MEF2D: variants seen among roughly 807,000 people sequenced by gnomAD.
MEF2D encodes myocyte-specific enhancer factor 2D.
A neutral mutation model predicts 59.3 loss-of-function variants in MEF2D; 10 were observed. The ratio of observed to expected loss-of-function variants is 0.17; its 90% CI spans 0.10 to 0.29. MEF2D has a LOEUF of 0.29. Among genes scored for constraint, MEF2D ranks in the 10% least tolerant of loss-of-function variants. MEF2D has a pLI of 1.00. For synonymous variants in MEF2D, 305 were observed against 295.0 expected (o/e 1.03, Z -0.35); for missense variants, 508 against 699.4 (o/e 0.73, Z 3.09).
At position 156,468,742 on chromosome 1, in the gene MEF2D, C is replaced by G; in HGVS notation, c.1247+38G>C. Reference sequence around the variant, plus strand: ...CCCTCCTCTTCCCGTTCAATTCTCCCTTCCCACACACTCACATGCAGTCTC... The same window carrying G: ...CCCTCCTCTTCCCGTTCAATTCTCCGTTCCCACACACTCACATGCAGTCTC... On this transcript the variant is annotated intron_variant, in intron 10 of 11. Coordinates refer to ENST00000348159, the MANE Select transcript of MEF2D (RefSeq NM_005920.4). This position sits in a 1 kb window ranked among gnomAD's most constrained non-coding sequence, Gnocchi z 4.3. The G allele has an allele frequency of 6.3e-7, 1 of 1,591,972 alleles. No homozygotes were observed. Among genetic ancestry groups the G allele is most frequent in the South Asian group, 1.1e-5 (1 of 89,702 alleles).
chr1:156,464,702 A>T lies in MEF2D; in HGVS notation c.*2943T>A, dbSNP rs1670735945. 6.6e-6 allele frequency: 1 copy of T among 152,166 alleles called. No individual in the cohort carries two copies. Among genetic ancestry groups the T allele is most frequent in the South Asian group, 2.1e-4 (1 of 4,820 alleles). 9.4% of individuals were successfully genotyped at this position (152,166 alleles called of 1,614,324 possible). On this transcript the variant is annotated 3_prime_UTR_variant, in exon 12 of 12. Coordinates refer to ENST00000348159, the MANE Select transcript of MEF2D (RefSeq NM_005920.4). ...AAACCTTCGGATACTGAACTGCAGA[A>T]ATGTCACATATTCACAGACCACCCC...
At chr1:156,477,454 A>G (rs1451206250) in intron 6 of MEF2D, among the ~76,000 whole-genome samples, 1 of 152,146 alleles carries the variant, frequency 6.6e-6, no homozygotes, top group Admixed American at 6.5e-5. Context: ...GGGCTTGGTG[A>G]TGGGACTCTG....
intron 1 of MEF2D, among the ~76,000 whole-genome samples, chr1:156,495,695 T>C (rs1673089216): frequency 7.1e-6 from 1 of 141,804 alleles, no homozygotes; most frequent in Non-Finnish European, 1.5e-5. Context: ...GTTTTTGGTC[T>C]TCAAAGTATA....
intron 1 of MEF2D, among the ~76,000 whole-genome samples, chr1:156,489,794 A>G (rs1476997245): frequency 6.6e-6 from 1 of 152,144 alleles, no homozygotes; most frequent in Non-Finnish European, 1.5e-5. Flanking sequence ...AGCATCCCAG[A>G]GCAGGCAGGC....
At chr1:156,500,214 C>G (rs528671912) in intron 1 of MEF2D, among the ~76,000 whole-genome samples, 2 of 152,176 alleles carry the variant, frequency 1.3e-5, no homozygotes, top group East Asian at 3.9e-4. Flanking sequence ...CCCCAATCCG[C>G]CCGTCCCCAC....
intron 1 of MEF2D, among the ~76,000 whole-genome samples, chr1:156,492,135 T>C (rs1672840649): frequency 6.6e-6 from 1 of 152,222 alleles, no homozygotes; most frequent in African/African-American, 2.4e-5. Flanking sequence ...CCTTGGGGCG[T>C]CACAGGAGAA....
In MEF2D at chr1:156,497,066, C is replaced by G. The variant is rs368718886; in HGVS notation, c.-139+3420G>C. Among the ~76,000 whole-genome samples the G allele has an allele frequency of 4.6e-3, 705 of 152,354 alleles. 3 individuals are homozygous for G. Among genetic ancestry groups the G allele is most frequent in the Admixed American group, 7.7e-3 (118 of 15,310 alleles). ...CAAAATTAGAGCCATCTCTCTCCCC[C>G]CCAGCTTCCCCACTGGGAAGTTCTT... is the stretch of plus-strand genomic sequence containing the variant. On this transcript the variant is annotated intron_variant, in intron 1 of 11. Coordinates refer to ENST00000348159, the MANE Select transcript of MEF2D (RefSeq NM_005920.4).
At chr1:156,488,648 G>A (rs1394141697) in intron 1 of MEF2D, among the ~76,000 whole-genome samples, 1 of 152,188 alleles carries the variant, frequency 6.6e-6, no homozygotes, top group Non-Finnish European at 1.5e-5. Flanking sequence ...AGGGGGCATG[G>A]GAGAAGAAAC....
intron 9 of MEF2D, 70 bp from the exon 10 acceptor site, chr1:156,469,090 C>T (rs1256794227): frequency 1.3e-6 from 2 of 1,529,320 alleles, no homozygotes; most frequent in Non-Finnish European, 1.8e-6. Context: ...AGGGAGCTGC[C>T]TCCAGGAGGA....
In MEF2D at chr1:156,480,795, GA is replaced by G. The variant is rs770384267; in HGVS notation, c.396+38del. 1.9e-6 allele frequency: 3 copies of G among 1,596,248 alleles called. No individual in the cohort carries two copies. The East Asian group carries it at 6.7e-5, about 36-fold the overall frequency. Reference sequence around the variant, plus strand: ...TGCAGCGCCTGGGGGGAAGGGGCCGGAAGGGGGGGCCAACAGAGACAGAGTG... The same window carrying G: ...TGCAGCGCCTGGGGGGAAGGGGCCGGAGGGGGGGCCAACAGAGACAGAGTG... On this transcript the variant is annotated intron_variant, in intron 4 of 11. Transcript: ENST00000348159.
At chr1:156,482,261 C>G (rs1672072102) in intron 3 of MEF2D, among the ~76,000 whole-genome samples, 176 bp downstream of exon 3, 4 of 152,212 alleles carry the variant, frequency 2.6e-5, no homozygotes. Flanking sequence ...TCCTCAGACC[C>G]TGGGTTTGTA....
chr1:156,491,294 G>A (rs912135464), intron 1 of MEF2D, among the ~76,000 whole-genome samples: 2 of 152,220 alleles, frequency 1.3e-5, no homozygotes, highest in Admixed American at 6.5e-5. Context: ...GGGTGGACTA[G>A]GTACCCAAAT....
intron 1 of MEF2D, among the ~76,000 whole-genome samples, chr1:156,494,481 G>A (rs1261683843): frequency 6.6e-6 from 1 of 152,100 alleles, no homozygotes; most frequent in African/African-American, 2.4e-5. Context: ...ACGGCTGGAT[G>A]GGGAGGGGAG....
rs1205035334 is a variant in MEF2D at position 156,483,324 on chromosome 1, G to A, written c.-32C>T. ...CGGGGGTCCTCAGTGCTACGGAGGG[G>A]AGGGGCTCGCTGGGTGGTGGGTCTC... On this transcript the variant is annotated 5_prime_UTR_variant, in exon 2 of 12. Transcript: ENST00000348159. 9 of 1,609,266 alleles carry A rather than the reference G, an allele frequency of 5.6e-6. No homozygotes were observed. Among genetic ancestry groups the A allele is most frequent in the Admixed American group, 3.3e-5 (2 of 60,008 alleles).
At chr1:156,484,724 T>C (rs1199615757) in intron 1 of MEF2D, among the ~76,000 whole-genome samples, 1 of 152,154 alleles carries the variant, frequency 6.6e-6, no homozygotes, top group East Asian at 1.9e-4. Flanking sequence ...AAAGCCAGGA[T>C]GAGAAACAGC....
chr1:156,497,213 C>T (rs1352747898), intron 1 of MEF2D, among the ~76,000 whole-genome samples: 7 of 152,276 alleles, frequency 4.6e-5, no homozygotes, highest in Non-Finnish European at 1.0e-4. Context: ...GCCCCTCCCT[C>T]CATGAGTAAG....
At position 156,468,876 on chromosome 1, in the gene MEF2D, G is replaced by A. The variant is rs560157575; in HGVS notation, c.1151C>T (p.Pro384Leu). 5 of 1,612,884 alleles carry A rather than the reference G, an allele frequency of 3.1e-6. No individual in the cohort carries two copies. Among genetic ancestry groups the A allele is most frequent in the African/African-American group, 2.7e-5 (2 of 74,912 alleles). ...QQPQPPQQQPPQPQQPQPQQP... is the reference protein window; with the variant it reads ...QQPQPPQQQPLQPQQPQPQQP... ...CTGTGGCTGTGGCTGCTGTGGCTGC[G>A]GTGGCTGCTGCTGTGGAGGCTGTGG... is the stretch of plus-strand genomic sequence containing the variant. The change falls in exon 10 of 12, where the codon CCG (proline) becomes CTG (leucine). Residue 384 changes from proline (P) to leucine (L), a missense_variant. Transcript: ENST00000348159. This position sits in a 1 kb window ranked among gnomAD's most constrained non-coding sequence, Gnocchi z 4.3.
intron 1 of MEF2D, among the ~76,000 whole-genome samples, chr1:156,484,433 C>T (rs1672217360): frequency 6.6e-6 from 1 of 152,236 alleles, no homozygotes; most frequent in Non-Finnish European, 1.5e-5. Context: ...TCCAATACAA[C>T]TATATTTACA....
chr1:156,486,748 A>G (rs1396963386), intron 1 of MEF2D, among the ~76,000 whole-genome samples: 1 of 152,248 alleles, frequency 6.6e-6, no homozygotes, highest in African/African-American at 2.4e-5. Context: ...CTATGAGACT[A>G]AAGTTTCATG....
Sources: gnomAD v4.1 joint callset for allele counts (sites outside exome capture counted in the v4.1 genomes callset) on GRCh38, gnomAD v4.1.1 for gene constraint, Gnocchi (gnomAD v3.1) non-coding constraint, MANE v1.5 for transcripts, NCBI Gene and HGNC (gene_info 2026-07-23, HGNC 2026-07-21) for gene names.